KATNBL1: variants seen among roughly 807,000 people sequenced by gnomAD.
KATNBL1 encodes the protein KATNB1-like protein 1.
KATNBL1 carries 28 observed loss-of-function variants against 44.7 expected under a neutral mutation model. The ratio of observed to expected loss-of-function variants is 0.63; its 90% confidence interval spans 0.46 to 0.86. The LOEUF is 0.86. Among genes scored for constraint, KATNBL1 ranks in the 40% least tolerant of loss-of-function variants. The pLI is 0.00. For synonymous variants in KATNBL1, 78 were observed against 114.9 expected (o/e 0.68, Z 2.06); for missense variants, 272 against 350.7 (o/e 0.78, Z 1.79).
At chr15:34,160,683 T>A (rs1186161168) in intron 2 of KATNBL1, among the ~76,000 whole-genome samples, 1 of 152,206 alleles carries the variant, frequency 6.6e-6, no homozygotes, top group Non-Finnish European at 1.5e-5. Flanking sequence ...TAGGGGACTA[T>A]CAGGGGGAAT....
At chr15:34,153,096 T>C (rs755642792) in intron 3 of KATNBL1, 27 bp from the exon 4 acceptor site, 1 of 1,536,076 alleles carries the variant, frequency 6.5e-7, no homozygotes, top group Admixed American at 2.0e-5. Context: ...TTTTCTTAAA[T>C]GAAAAAGAAC....
At chr15:34,182,782 T>C (rs1889606377) in intron 1 of KATNBL1, among the ~76,000 whole-genome samples, 3 of 152,218 alleles carry the variant, frequency 2.0e-5, no homozygotes, top group Admixed American at 1.3e-4. Context: ...AACTTCATTT[T>C]CATGACATTC....
rs1315865361 is a variant in KATNBL1 at position 34,141,867 on chromosome 15, CTT to C, written c.*470_*471del. 3 of 148,464 alleles carry C rather than the reference CTT, an allele frequency of 2.0e-5. No homozygotes were observed. Among genetic ancestry groups the C allele is most frequent in the African/African-American group, 7.5e-5 (3 of 40,208 alleles). The allele number at this position is 148,464 out of a possible 1,614,324, so 9.2% of individuals were successfully genotyped here. On this transcript the variant is annotated 3_prime_UTR_variant, in exon 10 of 10. Transcript: ENST00000256544. ...TTTTTTCATGTTTTAAACTTTCAGTCTTTTCAACATAAGAAAATAGCTGCACA... is the reference window on the plus strand; with the variant it reads ...TTTTTTCATGTTTTAAACTTTCAGTCTTCAACATAAGAAAATAGCTGCACA...
rs939179184 is a variant in KATNBL1 at position 34,172,320 on chromosome 15, G to A, written c.-14-8630C>T. ...TGCCCAGGCTGAAGTCCAGTGGCAC[G>A]ATCTCGGCTCACTGCAACCTCTGCC... is the stretch of plus-strand genomic sequence containing the variant. On this transcript the variant is annotated intron_variant, in intron 1 of 9. Coordinates refer to ENST00000256544, the MANE Select transcript of KATNBL1 (RefSeq NM_024713.3). Among the ~76,000 whole-genome samples, 41 of 136,378 alleles carry A rather than the reference G, an allele frequency of 3.0e-4. 1 individual carries two copies. Among genetic ancestry groups the A allele is most frequent in the Admixed American group, 1.7e-4 (2 of 11,852 alleles). The allele number at this position is 136,378 out of a possible 152,430, so 89.5% of individuals were successfully genotyped here. A position where few individuals can be genotyped will look rare whatever the true frequency, so the allele number is the denominator to read the frequency against.
At chr15:34,175,197 T>G (rs7179455) in intron 1 of KATNBL1, among the ~76,000 whole-genome samples, 18 of 151,450 alleles carry the variant, frequency 1.2e-4, no homozygotes, top group African/African-American at 4.4e-4. Context: ...TGAGTATCCC[T>G]TACCTGAAAT....
chr15:34,179,317 T>C (rs1440156234), intron 1 of KATNBL1, among the ~76,000 whole-genome samples: 1 of 152,156 alleles, frequency 6.6e-6, no homozygotes, highest in Non-Finnish European at 1.5e-5. Context: ...GTTACTTTTA[T>C]AACAAACCCA....
At chr15:34,195,554 T>C (rs1890006277) in intron 1 of KATNBL1, among the ~76,000 whole-genome samples, 1 of 152,060 alleles carries the variant, frequency 6.6e-6, no homozygotes, top group South Asian at 2.1e-4. Context: ...GTAGCAAAAT[T>C]GCACTTGTAT....
chr15:34,186,899 C>T (rs986664170), intron 1 of KATNBL1, among the ~76,000 whole-genome samples: 5 of 152,216 alleles, frequency 3.3e-5, no homozygotes, highest in Admixed American at 6.5e-5. Context: ...GCTGCCAGTC[C>T]CAAGGACAAG....
intron 4 of KATNBL1, among the ~76,000 whole-genome samples, chr15:34,150,469 C>T (rs773361918): frequency 6.6e-6 from 1 of 152,134 alleles, no homozygotes; most frequent in Non-Finnish European, 1.5e-5. Flanking sequence ...TGGCACATGC[C>T]TGTAGTCCCA....
intron 9 of KATNBL1, among the ~76,000 whole-genome samples, chr15:34,144,060 G>A (rs1049351844): frequency 3.1e-5 from 4 of 130,952 alleles, no homozygotes; most frequent in South Asian, 5.0e-4. Flanking sequence ...TCTTTTTTTT[G>A]AAGGTATCTG....
At chr15:34,208,603 G>A (rs1364174490) in intron 1 of KATNBL1, 1 of 152,144 alleles carries the variant, frequency 6.6e-6, no homozygotes, top group East Asian at 1.9e-4. Context: ...AAACTTTCAG[G>A]AAAGGATATA....
intron 1 of KATNBL1, among the ~76,000 whole-genome samples, chr15:34,173,467 C>T (rs1889232686): frequency 6.6e-6 from 1 of 152,012 alleles, no homozygotes; most frequent in Non-Finnish European, 1.5e-5. Context: ...GCCAAATTAT[C>T]AAGTGTGAGG....
chr15:34,205,425 T>C (rs1381837786), intron 1 of KATNBL1, among the ~76,000 whole-genome samples: 2 of 152,150 alleles, frequency 1.3e-5, no homozygotes, highest in African/African-American at 4.8e-5. Context: ...GCACAGGGAA[T>C]GGCTAGGACA....
chr15:34,207,366 G>C lies in KATNBL1; in HGVS notation c.-15+2585C>G, dbSNP rs139560169. On this transcript the variant is annotated intron_variant, in intron 1 of 9. Coordinates refer to ENST00000256544, the MANE Select transcript of KATNBL1 (RefSeq NM_024713.3). ...TGGAACTACAGGCGTGTGACACCAC[G>C]CCCAGCTAATTTTTTGTATTTTAAG... 9.0e-3 allele frequency among the ~76,000 whole-genome samples: 1,371 copies of C among 152,042 alleles called. 20 individuals are homozygous for C. The highest frequency in any genetic ancestry group is 0.031 in the African/African-American group (1,303 of 41,442).
chr15:34,144,459 T>C (rs1888250475), intron 9 of KATNBL1, among the ~76,000 whole-genome samples: 1 of 151,310 alleles, frequency 6.6e-6, no homozygotes, highest in Non-Finnish European at 1.5e-5. Context: ...AAGAATGCTT[T>C]TTATATTCCT....
chr15:34,161,955 C>T (rs764702315), intron 2 of KATNBL1, among the ~76,000 whole-genome samples: 1 of 152,118 alleles, frequency 6.6e-6, no homozygotes, highest in Non-Finnish European at 1.5e-5. Flanking sequence ...TGAAGAGGAA[C>T]TCAGAACTCA....
At chr15:34,156,472 T>C (rs1888642308) in intron 2 of KATNBL1, among the ~76,000 whole-genome samples, 1 of 152,186 alleles carries the variant, frequency 6.6e-6, no homozygotes, top group African/African-American at 2.4e-5. Context: ...TTGTTTAAAG[T>C]GCGGATGAAA....
rs71119942 is a variant in KATNBL1, at chr15:34,184,576, C to CTT, written c.-14-20888_-14-20887dup. Among the ~76,000 whole-genome samples the CTT allele has an allele frequency of 2.6e-4, 25 of 95,260 alleles. 5 individuals are homozygous for CTT. In the East Asian group the frequency reaches 2.8e-3, roughly 11 times the overall value. 62.5% of individuals were successfully genotyped at this position (95,260 alleles called of 152,430 possible). A position where few individuals can be genotyped will look rare whatever the true frequency, so the allele number is the denominator to read the frequency against. ...ATACTTCCTGTCTCTCCTAATGTTT[C>CTT]TTTTTTTTTTTTTTGAGACAGAGTC... is the stretch of plus-strand genomic sequence containing the variant. On this transcript the variant is annotated intron_variant, in intron 1 of 9. Coordinates refer to ENST00000256544, the MANE Select transcript of KATNBL1 (RefSeq NM_024713.3).
chr15:34,162,027 TATC>T (rs1888823148), intron 2 of KATNBL1, among the ~76,000 whole-genome samples: 2 of 152,370 alleles, frequency 1.3e-5, no homozygotes, highest in South Asian at 4.1e-4. Flanking sequence ...TTGTGATTGA[TATC>T]AACAAATCTA....
Sources: gnomAD v4.1 joint callset for allele counts (sites outside exome capture counted in the v4.1 genomes callset) on GRCh38, gnomAD v4.1.1 for gene constraint, MANE v1.5 for transcripts, NCBI Gene and HGNC (gene_info 2026-07-23, HGNC 2026-07-21) for gene names.